Variants in TSHZ2 observed in about 807,000 individuals in gnomAD.
TSHZ2 encodes teashirt zinc finger homeobox 2, also known as teashirt homolog 2.
TSHZ2 carries 21 observed loss-of-function variants against 74.4 expected under a neutral mutation model. The observed-to-expected ratio is 0.28, with a 90% CI of 0.20 to 0.41. The LOEUF is 0.41. TSHZ2 is among the 10% of genes least tolerant of loss of function. TSHZ2 has a pLI of 1.00. For missense variants in TSHZ2, 1,244 were observed against 1,293.5 expected (o/e 0.96, Z 0.59); for synonymous variants, 540 against 515.3 (o/e 1.05, Z -0.65).
At chr20:53,036,428 G>A in intron 1 of TSHZ2, among the ~76,000 whole-genome samples, 1 of 151,472 alleles carries the variant, frequency 6.6e-6, no homozygotes, top group East Asian at 1.9e-4. Context: ...GTATGTATAT[G>A]CACGTATACA....
At chr20:53,091,281 C>T (rs940058911) in intron 1 of TSHZ2, among the ~76,000 whole-genome samples, 10 of 152,128 alleles carry the variant, frequency 6.6e-5, no homozygotes, top group Non-Finnish European at 1.0e-4. Flanking sequence ...AGTTCTATAA[C>T]GGCAACATTG....
chr20:53,169,375 A>G (rs1360001855), intron 1 of TSHZ2, among the ~76,000 whole-genome samples: 2 of 152,208 alleles, frequency 1.3e-5, no homozygotes, highest in African/African-American at 4.8e-5. Context: ...CTAGTCTCCC[A>G]TGCTTCCTTG....
chr20:53,112,126 A>C (rs1398434851), intron 1 of TSHZ2, among the ~76,000 whole-genome samples: 1 of 152,192 alleles, frequency 6.6e-6, no homozygotes, highest in Non-Finnish European at 1.5e-5. Context: ...CAAGACAGGG[A>C]CAAGGGAGGA....
At chr20:53,443,266 C>T (rs1984410672) in intron 2 of TSHZ2, among the ~76,000 whole-genome samples, 1 of 152,064 alleles carries the variant, frequency 6.6e-6, no homozygotes, top group African/African-American at 2.4e-5. Flanking sequence ...GCCTTTATAA[C>T]TCTGATAAGT....
At chr20:53,026,278 C>G (rs893207348) in intron 1 of TSHZ2, among the ~76,000 whole-genome samples, 2 of 152,042 alleles carry the variant, frequency 1.3e-5, no homozygotes, top group African/African-American at 4.8e-5. Flanking sequence ...TTCTCTATGT[C>G]AGGCCACCTC....
At chr20:53,047,003 G>A (rs1283852693) in intron 1 of TSHZ2, among the ~76,000 whole-genome samples, 1 of 151,786 alleles carries the variant, frequency 6.6e-6, no homozygotes, top group Non-Finnish European at 1.5e-5. Context: ...TGAAGGTGCT[G>A]GAAAGAGACA....
intron 1 of TSHZ2, among the ~76,000 whole-genome samples, chr20:53,161,912 C>G (rs1295804714): frequency 6.6e-6 from 1 of 152,160 alleles, no homozygotes; most frequent in African/African-American, 2.4e-5. Context: ...ACCTTAGGTC[C>G]TTTTCCTTTA....
chr20:53,424,270 C>T (rs1279428249), intron 2 of TSHZ2, among the ~76,000 whole-genome samples: 1 of 152,202 alleles, frequency 6.6e-6, no homozygotes, highest in Non-Finnish European at 1.5e-5. Flanking sequence ...AAAATGTCTC[C>T]AGATATTGCC....
intron 1 of TSHZ2, among the ~76,000 whole-genome samples, chr20:53,093,352 A>C (rs1985943118): frequency 6.6e-6 from 1 of 152,206 alleles, no homozygotes; most frequent in East Asian, 1.9e-4. Context: ...CCCATAGGGA[A>C]GGAAGAGTAA....
Position 53,121,038 on chromosome 20 carries a change from T to C in TSHZ2, c.41-132461T>C, listed in dbSNP as rs150047525. Among the ~76,000 whole-genome samples the C allele has an allele frequency of 2.9e-3, 436 of 152,304 alleles. 1 individual carries two copies. The highest frequency in any genetic ancestry group is 9.2e-3 in the African/African-American group (383 of 41,570). On this transcript the variant is annotated intron_variant, in intron 1 of 2. Coordinates refer to ENST00000371497, the MANE Select transcript of TSHZ2 (RefSeq NM_173485.6). ...ACATTTTTGCTGTCTTTCAGACTCT[T>C]AGGAAAGTTCCAGTGATAGACTTTT...
chr20:53,020,211 A>G (rs1045408118), intron 1 of TSHZ2, among the ~76,000 whole-genome samples: 1 of 152,238 alleles, frequency 6.6e-6, no homozygotes, highest in Non-Finnish European at 1.5e-5. Context: ...GTGGGGACAC[A>G]GAGCCCAACC....
intron 1 of TSHZ2, among the ~76,000 whole-genome samples, chr20:53,251,020 G>A (rs1354879871): frequency 6.6e-6 from 1 of 152,018 alleles, no homozygotes; most frequent in African/African-American, 2.4e-5. Context: ...CTTCTTGCTA[G>A]ATGTCAGGCA....
Position 53,340,173 on chromosome 20 carries a change from C to CTTTTTTTTTTTTTT in TSHZ2, c.*8+83605_*8+83606insTTTTTTTTTTTTTT, listed in dbSNP as rs1285149762. 4.2e-4 allele frequency among the ~76,000 whole-genome samples: 26 copies of CTTTTTTTTTTTTTT among 62,102 alleles called. 3 individuals carry two copies. Among genetic ancestry groups the CTTTTTTTTTTTTTT allele is most frequent in the African/African-American group, 1.8e-3 (23 of 12,594 alleles). 40.7% of individuals were successfully genotyped at this position (62,102 alleles called of 152,430 possible). A position where few individuals can be genotyped will look rare whatever the true frequency, so the allele number is the denominator to read the frequency against. ...GCTAGGATAAAACAAGGTGACTTTTCTTTCTTTTTTCTTTTTTTTTTTTTT... is the reference window on the plus strand; with the variant it reads ...GCTAGGATAAAACAAGGTGACTTTTCTTTTTTTTTTTTTTTTTCTTTTTTCTTTTTTTTTTTTTT... On this transcript the variant is annotated intron_variant, in intron 2 of 2. Transcript: ENST00000371497.
At chr20:53,157,429 C>T (rs1482289905) in intron 1 of TSHZ2, among the ~76,000 whole-genome samples, 2 of 134,680 alleles carry the variant, frequency 1.5e-5, no homozygotes, top group Non-Finnish European at 3.1e-5. Context: ...TTTTTAGAGA[C>T]AGGATCTTGC....
intron 1 of TSHZ2, among the ~76,000 whole-genome samples, chr20:53,245,826 G>A (rs999676842): frequency 1.3e-5 from 2 of 152,146 alleles, no homozygotes; most frequent in African/African-American, 4.8e-5. Flanking sequence ...GTTGACAGAT[G>A]AAGAAATAGG....
At chr20:53,433,584 GACACACACACACAC>G (rs59162370) in intron 2 of TSHZ2, among the ~76,000 whole-genome samples, 15 of 137,156 alleles carry the variant, frequency 1.1e-4, no homozygotes, top group African/African-American at 2.3e-4. Context: ...CAGACACACA[GACACACACACACAC>G]ACACACACAC....
intron 2 of TSHZ2, among the ~76,000 whole-genome samples, chr20:53,259,058 C>T (rs1484433060): frequency 2.0e-5 from 3 of 152,290 alleles, no homozygotes; most frequent in East Asian, 1.9e-4. Flanking sequence ...CCTCCACCCC[C>T]GGGGTCCTCT....
At chr20:53,159,289 A>C (rs373189648) in intron 1 of TSHZ2, among the ~76,000 whole-genome samples, 166 of 152,324 alleles carry the variant, frequency 1.1e-3, no homozygotes, top group African/African-American at 3.9e-3. Context: ...TGGAGTCAGC[A>C]AAGTACAGCT....
chr20:53,113,331 G>GTTTT (rs1321478120), intron 1 of TSHZ2, among the ~76,000 whole-genome samples: 1 of 152,038 alleles, frequency 6.6e-6, no homozygotes, highest in Non-Finnish European at 1.5e-5. Flanking sequence ...TTGTTTGTTT[G>GTTTT]TTCCCCCTCT....
Sources: allele counts gnomAD v4.1 joint callset (sites outside exome capture counted in the v4.1 genomes callset), GRCh38; gene constraint gnomAD v4.1.1; transcripts MANE v1.5; gene names NCBI Gene and HGNC (gene_info 2026-07-23, HGNC 2026-07-21).